The following TBC1D5 variants were observed in gnomAD, a reference collection of about 807,000 sequenced individuals.
TBC1D5 encodes TBC1 domain family member 5.
TBC1D5 carries 75 observed loss-of-function variants against 100.3 expected under a neutral mutation model. That is an observed-to-expected ratio of 0.75 (90% CI 0.62 to 0.91). The LOEUF is 0.91. Ranked by LOEUF, TBC1D5 falls within the 40% of genes least tolerant of loss-of-function variation. TBC1D5 has a pLI of 0.00. For missense variants in TBC1D5, 910 were observed against 942.4 expected, an observed-to-expected ratio of 0.97 and a Z score of 0.45; for synonymous variants, 323 against 325.6, an observed-to-expected ratio of 0.99 and a Z score of 0.09.
At chr3:17,613,722 T>C (rs1294152207) in intron 2 of TBC1D5, among the ~76,000 whole-genome samples, 2 of 152,328 alleles carry the variant, frequency 1.3e-5, no homozygotes, top group East Asian at 1.9e-4. Context: ...TGCCCACTTT[T>C]TGATTTGGTT....
chr3:17,394,360 T>A (rs956198930), intron 8 of TBC1D5, among the ~76,000 whole-genome samples: 7 of 152,124 alleles, frequency 4.6e-5, no homozygotes, highest in African/African-American at 1.7e-4. Context: ...AATTATAGAG[T>A]AATGGAAAAA....
intron 15 of TBC1D5, among the ~76,000 whole-genome samples, chr3:17,273,114 C>A (rs1302518218): frequency 6.6e-6 from 1 of 152,172 alleles, no homozygotes; most frequent in Non-Finnish European, 1.5e-5. Context: ...CAACTTTCAA[C>A]AGGCTCATTT....
rs1360007297 is a variant in TBC1D5, at chr3:17,635,498, T to C, written c.-100-11585A>G. 2.6e-5 allele frequency among the ~76,000 whole-genome samples: 4 copies of C among 152,038 alleles called. No homozygotes were observed. In the South Asian group the frequency reaches 6.2e-4, roughly 24 times the overall value. On this transcript the variant is annotated intron_variant, in intron 1 of 21. Transcript: ENST00000253692. ...GGGTTTGAAACCGTCCTGACCAACA[T>C]GGAGAAACCCCATCTCTACTAAAAA... is the stretch of plus-strand genomic sequence containing the variant.
At chr3:17,463,912 C>T (rs1033615832) in intron 3 of TBC1D5, among the ~76,000 whole-genome samples, 17 of 147,926 alleles carry the variant, frequency 1.1e-4, no homozygotes, top group African/African-American at 4.0e-4. Context: ...ATATTTCTCA[C>T]GTTCCCAATC....
At chr3:17,373,024 A>C (rs1423307413) in intron 12 of TBC1D5, among the ~76,000 whole-genome samples, 2 of 152,218 alleles carry the variant, frequency 1.3e-5, no homozygotes, top group African/African-American at 4.8e-5. Context: ...AAGTAAACAA[A>C]TAGGAATGAC....
At chr3:17,392,015 G>A (rs1041438629) in intron 8 of TBC1D5, among the ~76,000 whole-genome samples, 1 of 152,018 alleles carries the variant, frequency 6.6e-6, no homozygotes, top group Non-Finnish European at 1.5e-5. Context: ...CTCATTCCCA[G>A]CTTCTCAAGT....
At chr3:17,191,313 T>C (rs1011227254) in intron 18 of TBC1D5, among the ~76,000 whole-genome samples, 1 of 152,216 alleles carries the variant, frequency 6.6e-6, no homozygotes. Flanking sequence ...CATGTGCTTG[T>C]TGGAGGACTG....
At chr3:17,416,871 C>T (rs1384653808) in intron 4 of TBC1D5, among the ~76,000 whole-genome samples, 1 of 152,112 alleles carries the variant, frequency 6.6e-6, no homozygotes, top group East Asian at 1.9e-4. Context: ...AAGAACTAGA[C>T]CCAAGATTTG....
At chr3:17,301,175 A>AT (rs1241535282) in intron 14 of TBC1D5, among the ~76,000 whole-genome samples, 1 of 152,136 alleles carries the variant, frequency 6.6e-6, no homozygotes, top group African/African-American at 2.4e-5. Context: ...AATAGAGACA[A>AT]TTTTTTATAG....
chr3:17,158,838 C>T (rs2065804501), exon 22 of TBC1D5: 1 of 152,270 alleles, frequency 6.6e-6, no homozygotes, highest in Admixed American at 6.5e-5. Context: ...GCAGGTGACA[C>T]TGGCCCTGCT....
chr3:17,493,568 T>C (rs1196916571), intron 3 of TBC1D5, among the ~76,000 whole-genome samples: 2 of 152,184 alleles, frequency 1.3e-5, no homozygotes, highest in Non-Finnish European at 2.9e-5. Context: ...CCCCAGTCAG[T>C]TGTAGATTTG....
At chr3:17,325,536 C>A (rs2085989198) in intron 13 of TBC1D5, among the ~76,000 whole-genome samples, 1 of 152,122 alleles carries the variant, frequency 6.6e-6, no homozygotes, top group Non-Finnish European at 1.5e-5. Context: ...GTTGGCCAGG[C>A]TGGTCTTGAA....
chr3:17,605,078 C>G (rs2061251973), intron 2 of TBC1D5, among the ~76,000 whole-genome samples: 1 of 152,092 alleles, frequency 6.6e-6, no homozygotes, highest in African/African-American at 2.4e-5. Flanking sequence ...TGTTCTTCAA[C>G]AAAAAACAAC....
intron 2 of TBC1D5, among the ~76,000 whole-genome samples, chr3:17,543,167 A>G (rs1191371145): frequency 2.0e-5 from 3 of 152,192 alleles, no homozygotes; most frequent in African/African-American, 7.2e-5. Flanking sequence ...ATAGAGAGAG[A>G]GAAGTACTGA....
intron 15 of TBC1D5, among the ~76,000 whole-genome samples, chr3:17,267,790 C>T (rs2078997741): frequency 6.6e-6 from 1 of 152,124 alleles, no homozygotes; most frequent in Non-Finnish European, 1.5e-5. Context: ...AGGTCCTGCA[C>T]ATGAAGCCTG....
intron 1 of TBC1D5, among the ~76,000 whole-genome samples, chr3:17,671,008 G>A (rs1241742221): frequency 6.6e-6 from 1 of 152,170 alleles, no homozygotes; most frequent in Non-Finnish European, 1.5e-5. Context: ...TACCACAAAT[G>A]ATTTATTAGT....
exon 22 of TBC1D5, chr3:17,160,972 C>T (rs763910004): frequency 1.2e-6 from 2 of 1,613,392 alleles, no homozygotes; most frequent in Non-Finnish European, 1.7e-6. Flanking sequence ...GTCAGATGTC[C>T]AGGGGACTCA....
At chr3:17,291,975 G>A (rs774947500) in exon 15 of TBC1D5, 1 of 1,613,738 alleles carries the variant, frequency 6.2e-7, no homozygotes, top group African/African-American at 1.3e-5. Context: ...AGAAGGCCGA[G>A]ACAGGTCTGG....
chr3:17,176,973 TG>T (rs1411747024), intron 19 of TBC1D5, among the ~76,000 whole-genome samples: 1 of 152,182 alleles, frequency 6.6e-6, no homozygotes, highest in Non-Finnish European at 1.5e-5. Flanking sequence ...AGGCAGCCAC[TG>T]GGGGCCACTG....
Sources: allele counts gnomAD v4.1 joint callset (sites outside exome capture counted in the v4.1 genomes callset), GRCh38; gene constraint gnomAD v4.1.1; transcripts MANE v1.5; gene names NCBI Gene and HGNC (gene_info 2026-07-23, HGNC 2026-07-21).